Variants in GNG7 observed in about 807,000 individuals in gnomAD.
GNG7 encodes the protein guanine nucleotide-binding protein G(I)/G(S)/G(O) subunit gamma-7.
A neutral mutation model predicts 4.0 loss-of-function variants in GNG7; 1 was observed. The ratio of observed to expected loss-of-function variants is 0.25; its 90% CI spans 0.09 to 1.18. GNG7 has a LOEUF of 1.18. Among genes scored for constraint, GNG7 ranks in the 50% most tolerant of loss-of-function variants. The probability of loss-of-function intolerance (pLI) is 0.50; values close to 1 mark genes in which losing one functional copy is unlikely to be tolerated. For missense variants in GNG7, 86 were observed against 91.9 expected (o/e 0.94, Z 0.26); for synonymous variants, 34 against 36.9 (o/e 0.92, Z 0.29).
At chr19:2,597,356 G>A (rs1276125561) in intron 2 of GNG7, among the ~76,000 whole-genome samples, 1 of 152,168 alleles carries the variant, frequency 6.6e-6, no homozygotes, top group African/African-American at 2.4e-5. Context: ...TAACACTGTG[G>A]GAGGCCGAGG....
At chr19:2,692,312 G>T (rs1480074895) in intron 1 of GNG7, among the ~76,000 whole-genome samples, 2 of 152,076 alleles carry the variant, frequency 1.3e-5, no homozygotes, top group African/African-American at 4.8e-5. Context: ...TCCTGGCTTT[G>T]TTGTCCATCA....
At chr19:2,579,071 C>T (rs1484670966) in intron 2 of GNG7, among the ~76,000 whole-genome samples, 1 of 152,232 alleles carries the variant, frequency 6.6e-6, no homozygotes, top group Non-Finnish European at 1.5e-5. Context: ...GCACATGGCT[C>T]GTCTCCGGCC....
intron 2 of GNG7, among the ~76,000 whole-genome samples, chr19:2,569,724 T>C (rs1324854637): frequency 6.6e-6 from 1 of 152,112 alleles, no homozygotes; most frequent in Non-Finnish European, 1.5e-5. Context: ...CTGAGCAGCG[T>C]CCCTGGCTTC....
chr19:2,684,222 C>T lies in GNG7; in HGVS notation c.-135+18424G>A, dbSNP rs559834265. 1.2e-4 allele frequency among the ~76,000 whole-genome samples: 18 copies of T among 151,624 alleles called. No individual in the cohort carries two copies. In the East Asian group the frequency reaches 3.5e-3, roughly 30 times the overall value. On this transcript the variant is annotated intron_variant, in intron 1 of 4. Transcript: ENST00000382159. ...TGCGATCTCGGCTCACTGCAAGCTC[C>T]TCCTCCTGGGTTCAAGCAATTCTCC...
Position 2,542,364 on chromosome 19 carries a change from C to T in GNG7, c.-38+12785G>A, listed in dbSNP as rs144168773. 3.1e-3 allele frequency among the ~76,000 whole-genome samples: 468 copies of T among 152,126 alleles called. 4 individuals carry two copies. Among genetic ancestry groups the T allele is most frequent in the South Asian group, 0.029 (141 of 4,814 alleles). On this transcript the variant is annotated intron_variant, in intron 3 of 4. Coordinates refer to ENST00000382159, the MANE Select transcript of GNG7 (RefSeq NM_052847.3). Reference sequence around the variant, plus strand: ...CTCCTGGCCTCAAGCAATCCACCCACCGCGGCCTCCCAAAGTGCTGGGATT... The same window carrying T: ...CTCCTGGCCTCAAGCAATCCACCCATCGCGGCCTCCCAAAGTGCTGGGATT...
chr19:2,679,331 G>T (rs1246488438), intron 1 of GNG7, among the ~76,000 whole-genome samples: 1 of 152,098 alleles, frequency 6.6e-6, no homozygotes, highest in Non-Finnish European at 1.5e-5. Flanking sequence ...AATTACAGGT[G>T]TGAGCCACCA....
intron 1 of GNG7, among the ~76,000 whole-genome samples, chr19:2,659,589 T>G (rs1599447512): frequency 7.0e-5 from 2 of 28,540 alleles, no homozygotes; most frequent in Admixed American, 4.9e-4. Context: ...TGAGACTCCA[T>G]CTTAAAAAAA....
rs765098720 is a variant in GNG7, at chr19:2,569,011, ACAAG to A, written c.-77-13827_-77-13824del. On this transcript the variant is annotated intron_variant, in intron 2 of 4. Coordinates refer to ENST00000382159, the MANE Select transcript of GNG7 (RefSeq NM_052847.3). ...TACACATATTTACACACATATACAC[ACAAG>A]CAGACACATATACACAAAAGCACAA... Among the ~76,000 whole-genome samples the A allele has an allele frequency of 4.0e-4, 61 of 151,676 alleles. 1 individual carries two copies. Among genetic ancestry groups the A allele is most frequent in the Non-Finnish European group, 1.9e-4 (13 of 68,006 alleles).
At chr19:2,674,600 T>C (rs1183026755) in intron 1 of GNG7, among the ~76,000 whole-genome samples, 1 of 152,134 alleles carries the variant, frequency 6.6e-6, no homozygotes, top group Non-Finnish European at 1.5e-5. Context: ...CATGCCCGGC[T>C]AATTTTTGCA....
chr19:2,539,161 T>A (rs1484618275), intron 3 of GNG7, among the ~76,000 whole-genome samples: 1 of 152,202 alleles, frequency 6.6e-6, no homozygotes, highest in Non-Finnish European at 1.5e-5. Flanking sequence ...ATATTGCATG[T>A]TCCTGTAAAC....
At chr19:2,561,015 G>A (rs1275914897) in intron 2 of GNG7, among the ~76,000 whole-genome samples, 4 of 151,946 alleles carry the variant, frequency 2.6e-5, no homozygotes, top group Admixed American at 2.6e-4. Context: ...GCTCACAGTA[G>A]GCATCAGAAT....
rs549216681 is a variant in GNG7, at chr19:2,571,091, C to T, written c.-77-15903G>A. ...TGCTGAGATGATAGGCGTGAGCCAC[C>T]GTGCCCGGCGGAGTTGTCCAGCTTT... On this transcript the variant is annotated intron_variant, in intron 2 of 4. Transcript: ENST00000382159. Among the ~76,000 whole-genome samples the T allele has an allele frequency of 3.3e-5, 5 of 152,132 alleles. No individual in the cohort carries two copies. The South Asian group carries it at 6.2e-4, about 19-fold the overall frequency.
chr19:2,528,142 G>A (rs572400301), intron 3 of GNG7, among the ~76,000 whole-genome samples: 5 of 151,990 alleles, frequency 3.3e-5, no homozygotes, highest in South Asian at 2.1e-4. Context: ...ATGGTAGTGC[G>A]TGCCTGTAAT....
chr19:2,585,142 C>T (rs1358264078), intron 2 of GNG7, among the ~76,000 whole-genome samples: 1 of 148,632 alleles, frequency 6.7e-6, no homozygotes, highest in East Asian at 2.0e-4. Flanking sequence ...GAAGGAAGGG[C>T]CTTGTTCTTA....
intron 3 of GNG7, among the ~76,000 whole-genome samples, chr19:2,532,649 A>G (rs1020726848): frequency 1.1e-4 from 17 of 152,244 alleles, no homozygotes; most frequent in African/African-American, 2.9e-4. Context: ...GGCAAAAGAA[A>G]TGTCCTAAAA....
intron 2 of GNG7, among the ~76,000 whole-genome samples, chr19:2,573,448 G>T (rs1052876515): frequency 4.6e-5 from 7 of 152,194 alleles, no homozygotes; most frequent in Non-Finnish European, 8.8e-5. Context: ...TTAAGATCTT[G>T]TCTGTACCCT....
intron 3 of GNG7, among the ~76,000 whole-genome samples, chr19:2,543,648 T>C (rs1979034036): frequency 6.6e-6 from 1 of 152,160 alleles, no homozygotes; most frequent in African/African-American, 2.4e-5. Flanking sequence ...AACCGGCTCC[T>C]AAGGCCAGCG....
intron 2 of GNG7, among the ~76,000 whole-genome samples, chr19:2,601,924 G>C (rs186979115): frequency 1.2e-3 from 181 of 151,990 alleles, no homozygotes; most frequent in African/African-American, 4.2e-3. Flanking sequence ...AGAGAAGACA[G>C]GGGAGGGGAG....
intron 2 of GNG7, chr19:2,632,234 A>T (rs564860971): frequency 6.6e-6 from 1 of 152,338 alleles, no homozygotes; most frequent in African/African-American, 2.4e-5. Flanking sequence ...GTTCGAGACC[A>T]GCCTGACCAA....
Sources: allele counts gnomAD v4.1 joint callset (sites outside exome capture counted in the v4.1 genomes callset), GRCh38; gene constraint gnomAD v4.1.1; transcripts MANE v1.5; gene names NCBI Gene and HGNC (gene_info 2026-07-23, HGNC 2026-07-21).